GOLGB1: variants seen among roughly 807,000 people sequenced by gnomAD.
GOLGB1 encodes the protein golgin subfamily B member 1.
A neutral mutation model predicts 336.9 loss-of-function variants in GOLGB1; 174 were observed. That is an observed-to-expected ratio of 0.52 (90% CI 0.46 to 0.59). The LOEUF (loss-of-function observed/expected upper bound fraction) is 0.59, where lower values mean the gene tolerates loss of function less well. GOLGB1 is among the 20% of genes least tolerant of loss of function. The pLI, the probability that GOLGB1 is intolerant of heterozygous loss-of-function variation, is 0.00. For missense variants in GOLGB1, 3,331 were observed against 3,645.3 expected (o/e 0.91, Z 2.22); for synonymous variants, 1,208 against 1,289.2 (o/e 0.94, Z 1.35).
intron 10 of GOLGB1, among the ~76,000 whole-genome samples, chr3:121,708,909 A>G (rs891515513): frequency 1.3e-5 from 2 of 152,208 alleles, no homozygotes; most frequent in African/African-American, 4.8e-5. Context: ...AGGCACTCCA[A>G]TCACAAAGAA....
chr3:121,729,770 C>T, intron 3 of GOLGB1, 95 bp downstream of exon 3: 1 of 914,904 alleles, frequency 1.1e-6, no homozygotes. Flanking sequence ...TAATCAGATT[C>T]CCTAATAATC....
chr3:121,669,430 A>G (rs1939178413), intron 17 of GOLGB1, 75 bp from the exon 18 acceptor site: 1 of 1,201,956 alleles, frequency 8.3e-7, no homozygotes, highest in African/African-American at 1.6e-5. Flanking sequence ...CTGAGTTTTC[A>G]GGATCTAATT....
At chr3:121,683,917 C>A (rs991764709) in intron 14 of GOLGB1, among the ~76,000 whole-genome samples, 11 of 151,810 alleles carry the variant, frequency 7.2e-5, no homozygotes, top group Admixed American at 2.0e-4. Context: ...ATCACGAGGT[C>A]AAGAGATCGA....
At chr3:121,677,203 A>C in intron 16 of GOLGB1, 82 bp downstream of exon 16, 1 of 1,121,932 alleles carries the variant, frequency 8.9e-7, no homozygotes, top group Non-Finnish European at 1.2e-6. Context: ...GTAGCGTCTT[A>C]AAAAAAAAAC....
At position 121,698,623 on chromosome 3, in the gene GOLGB1, C is replaced by T. The variant is rs776790433; in HGVS notation, c.1900G>A (p.Glu634Lys). 8.7e-6 allele frequency: 14 copies of T among 1,613,704 alleles called. No homozygotes were observed. The East Asian group carries it at 3.1e-4, about 36-fold the overall frequency. ...GQDFPLMPNEESSLPAVEKEQ... is the reference protein window; with the variant it reads ...GQDFPLMPNEKSSLPAVEKEQ... Reference sequence around the variant, plus strand: ...TTTTCAACTGCTGGAAGACTGCTCTCTTCATTTGGCATTAAGGGAAAATCT... The same window carrying T: ...TTTTCAACTGCTGGAAGACTGCTCTTTTCATTTGGCATTAAGGGAAAATCT... Residue 634 changes from glutamate (E) to lysine (K), a missense_variant, in exon 13 of 22, where the codon GAG becomes AAG. Glu to Lys is a moderately conservative substitution (Grantham distance 56). Transcript: ENST00000614479.
intron 5 of GOLGB1, among the ~76,000 whole-genome samples, chr3:121,724,042 G>T (rs115543099): frequency 6.6e-6 from 1 of 152,120 alleles, no homozygotes; most frequent in East Asian, 1.9e-4. Context: ...TCTGTTACAC[G>T]CAAGAGAAAA....
intron 6 of GOLGB1, among the ~76,000 whole-genome samples, chr3:121,722,027 A>C (rs1016945248): frequency 6.6e-6 from 1 of 152,162 alleles, no homozygotes; most frequent in African/African-American, 2.4e-5. Flanking sequence ...GGCTATAGAA[A>C]ATTCATCAAG....
intron 17 of GOLGB1, among the ~76,000 whole-genome samples, chr3:121,670,727 A>G (rs1211251782): frequency 7.2e-6 from 1 of 138,824 alleles, no homozygotes; most frequent in Non-Finnish European, 1.6e-5. Flanking sequence ...CTAGCAAGGA[A>G]AGCTAAGAAA....
intron 1 of GOLGB1, among the ~76,000 whole-genome samples, chr3:121,743,530 T>C (rs1193082614): frequency 6.6e-6 from 1 of 152,136 alleles, no homozygotes; most frequent in Non-Finnish European, 1.5e-5. Flanking sequence ...AGTTGATGGG[T>C]GCAGGAAACC....
intron 1 of GOLGB1, among the ~76,000 whole-genome samples, chr3:121,738,607 A>C (rs1360976038): frequency 6.6e-6 from 1 of 152,156 alleles, no homozygotes; most frequent in Non-Finnish European, 1.5e-5. Flanking sequence ...TGATACAAGG[A>C]GGGGTCTTCC....
chr3:121,703,100 C>T lies in GOLGB1; in HGVS notation c.1405-505G>A, dbSNP rs1943537074. Among the ~76,000 whole-genome samples, 3 of 152,162 alleles carry T rather than the reference C, an allele frequency of 2.0e-5. No individual in the cohort carries two copies. The South Asian group carries it at 6.2e-4, about 32-fold the overall frequency. ...AAAAATTCCCTTGGCTTAATTTATA[C>T]ATCCAGAATTTTTGGTTTTCCTAAG... On this transcript the variant is annotated intron_variant, in intron 10 of 21. Transcript: ENST00000614479.
At position 121,691,284 on chromosome 3, in the gene GOLGB1, G is replaced by A; in HGVS notation, c.8080C>T (p.His2694Tyr). 1.2e-6 allele frequency: 2 copies of A among 1,613,320 alleles called. No homozygotes were observed. Among genetic ancestry groups the A allele is most frequent in the Non-Finnish European group, 1.7e-6 (2 of 1,179,558 alleles). ...KLKKELKHLH[H>Y]DAGIMRNETE... ...TCATTTCTCATTATCCCTGCATCAT[G>A]ATGAAGATGCTTTAATTCTTTCTTC... The change falls in exon 14 of 22, where the codon CAT (histidine) becomes TAT (tyrosine). Residue 2694 changes from histidine (H) to tyrosine (Y), a missense_variant. Coordinates refer to ENST00000614479, the MANE Select transcript of GOLGB1 (RefSeq NM_001366282.2).
intron 14 of GOLGB1, among the ~76,000 whole-genome samples, chr3:121,685,180 T>G (rs568756461): frequency 6.6e-6 from 1 of 152,322 alleles, no homozygotes; most frequent in South Asian, 2.1e-4. Flanking sequence ...TAACTCTGAA[T>G]TGATTTAACC....
rs1944638104 is a variant in GOLGB1 at position 121,714,933 on chromosome 3, A to G, written c.1332T>C (p.Asn444=). The change falls in exon 10 of 22, where the codon AAT becomes AAC. Residue 444 remains asparagine, a synonymous_variant. Coordinates refer to ENST00000614479, the MANE Select transcript of GOLGB1 (RefSeq NM_001366282.2). ...QKSKEISQFL[N]RLPLQQHETA... is the part of the protein sequence containing the mutation. Reference sequence around the variant, plus strand: ...TTTCATGTTGTTGCAAGGGCAGTCTATTTAGAAATTGGCTAATTTCTTTGG... The same window carrying G: ...TTTCATGTTGTTGCAAGGGCAGTCTGTTTAGAAATTGGCTAATTTCTTTGG... The G allele has an allele frequency of 6.2e-7, 1 of 1,613,108 alleles. No homozygotes were observed. The highest frequency in any genetic ancestry group is 1.7e-5 in the Admixed American group (1 of 60,006).
intron 7 of GOLGB1, among the ~76,000 whole-genome samples, chr3:121,719,131 A>G (rs1332571831): frequency 6.6e-6 from 1 of 152,224 alleles, no homozygotes; most frequent in African/African-American, 2.4e-5. Flanking sequence ...CAGTACCACA[A>G]TGCACTACAC....
At chr3:121,667,967 T>G (rs1312419089) in intron 19 of GOLGB1, 94 bp downstream of exon 19, 18 of 640,782 alleles carry the variant, frequency 2.8e-5, no homozygotes, top group Non-Finnish European at 5.0e-5. Flanking sequence ...CAAGACATAT[T>G]AAATCCATAT....
intron 1 of GOLGB1, among the ~76,000 whole-genome samples, chr3:121,737,760 T>C (rs1286197480): frequency 5.3e-5 from 8 of 151,902 alleles, no homozygotes; most frequent in Non-Finnish European, 1.0e-4. Context: ...GGGATAATAA[T>C]AGTGTTTAGG....
At chr3:121,680,917 G>A (rs1354728533) in intron 15 of GOLGB1, among the ~76,000 whole-genome samples, 1 of 152,116 alleles carries the variant, frequency 6.6e-6, no homozygotes, top group Non-Finnish European at 1.5e-5. Context: ...TATGCAAAGT[G>A]GTTTTGCAGT....
At chr3:121,731,009 C>A (rs1258280641) in intron 1 of GOLGB1, 36 bp from the exon 2 acceptor site, 2 of 1,597,252 alleles carry the variant, frequency 1.3e-6, no homozygotes, top group Admixed American at 1.7e-5. Context: ...ACCTAAGAAT[C>A]AGCAAAATGA....
Sources: gnomAD v4.1 joint callset for allele counts (sites outside exome capture counted in the v4.1 genomes callset) on GRCh38, gnomAD v4.1.1 for gene constraint, MANE v1.5 for transcripts, NCBI Gene and HGNC (gene_info 2026-07-23, HGNC 2026-07-21) for gene names.